Variants in TAS2R1 observed in about 807,000 individuals in gnomAD.
The protein encoded by TAS2R1 is taste receptor type 2 member 1.
For synonymous variants in TAS2R1, 141 were observed against 134.2 expected (o/e 1.05, Z -0.35); for missense variants, 370 against 353.4 (o/e 1.05, Z -0.38).
chr5:9,676,541 G>T (rs1740879490), intron 1 of TAS2R1, among the ~76,000 whole-genome samples: 1 of 152,160 alleles, frequency 6.6e-6, no homozygotes, highest in East Asian at 1.9e-4. Context: ...TGGAAAAATT[G>T]GGTATACATA....
upstream of TAS2R1, among the ~76,000 whole-genome samples, chr5:9,712,548 C>T (rs547489279): frequency 6.6e-6 from 1 of 152,320 alleles, no homozygotes; most frequent in Admixed American, 6.5e-5. Flanking sequence ...AGCCTCAAAA[C>T]TGCAATACAG....
At chr5:9,754,312 G>T in the TAS2R1 span, among the ~76,000 whole-genome samples, 2 of 147,904 alleles carry the variant, frequency 1.4e-5, no homozygotes, top group Admixed American at 6.7e-5. Flanking sequence ...TACTGAATGG[G>T]CAAAAACTGG....
At chr5:9,761,127 G>C in the TAS2R1 span, 25 of 152,238 alleles carry the variant, frequency 1.6e-4, no homozygotes, top group African/African-American at 2.9e-4. Flanking sequence ...AAAGATTATT[G>C]CTTTTATCTT....
At chr5:9,670,011 G>A (rs1448539503) in intron 1 of TAS2R1, among the ~76,000 whole-genome samples, 1 of 151,948 alleles carries the variant, frequency 6.6e-6, no homozygotes, top group Non-Finnish European at 1.5e-5. Context: ...CCACTAGCTA[G>A]AATAATTTTA....
intron 1 of TAS2R1, among the ~76,000 whole-genome samples, chr5:9,679,801 T>C (rs1008593576): frequency 5.9e-5 from 9 of 152,226 alleles, no homozygotes; most frequent in African/African-American, 1.9e-4. Flanking sequence ...TATTTATAGA[T>C]ACATGTATAT....
intron 2 of TAS2R1, among the ~76,000 whole-genome samples, chr5:9,656,227 G>T (rs952931276): frequency 1.3e-5 from 2 of 152,290 alleles, no homozygotes; most frequent in Admixed American, 1.3e-4. Context: ...ATTGGGAAAA[G>T]CTAAAGAAAA....
the TAS2R1 span, among the ~76,000 whole-genome samples, chr5:9,851,027 G>C: frequency 3.3e-5 from 5 of 152,166 alleles, no homozygotes; most frequent in African/African-American, 1.2e-4. Context: ...TTCAGGTGGA[G>C]TTCAGATTTA....
At chr5:9,725,917 T>G in the TAS2R1 span, among the ~76,000 whole-genome samples, 1 of 151,232 alleles carries the variant, frequency 6.6e-6, no homozygotes, top group Non-Finnish European at 1.5e-5. Flanking sequence ...CTAGCTATTC[T>G]GGTGGGGCCT....
intron 1 of TAS2R1, among the ~76,000 whole-genome samples, chr5:9,683,313 A>T (rs1466499943): frequency 2.0e-5 from 3 of 152,216 alleles, no homozygotes; most frequent in Non-Finnish European, 4.4e-5. Flanking sequence ...AATGTGATTT[A>T]AGGTCCATGT....
At chr5:9,836,604 G>A in the TAS2R1 span, among the ~76,000 whole-genome samples, 6 of 152,146 alleles carry the variant, frequency 3.9e-5, no homozygotes, top group African/African-American at 1.4e-4. Context: ...ATGCTAAGAG[G>A]AATAACTACA....
chr5:9,791,920 C>T, the TAS2R1 span, among the ~76,000 whole-genome samples: 1 of 152,210 alleles, frequency 6.6e-6, no homozygotes, highest in African/African-American at 2.4e-5. Flanking sequence ...GCCGAATCTT[C>T]TTCACCGTCA....
the TAS2R1 span, among the ~76,000 whole-genome samples, chr5:9,842,345 C>T: frequency 8.0e-6 from 1 of 124,712 alleles, no homozygotes; most frequent in East Asian, 2.3e-4. Flanking sequence ...TTTTGAGAGA[C>T]AGTCTCACTC....
upstream of TAS2R1, among the ~76,000 whole-genome samples, chr5:9,630,577 A>G (rs915091775): frequency 6.6e-6 from 1 of 152,234 alleles, no homozygotes; most frequent in Non-Finnish European, 1.5e-5. Flanking sequence ...AACTATCTGT[A>G]AAATAGTTAT....
chr5:9,687,250 G>T (rs1044078042), intron 1 of TAS2R1, among the ~76,000 whole-genome samples: 1 of 152,304 alleles, frequency 6.6e-6, no homozygotes, highest in Non-Finnish European at 1.5e-5. Flanking sequence ...GATTACAGGC[G>T]TGAGCTACCG....
intron 1 of TAS2R1, among the ~76,000 whole-genome samples, chr5:9,699,103 A>G (rs1434131738): frequency 6.6e-6 from 1 of 152,236 alleles, no homozygotes; most frequent in Non-Finnish European, 1.5e-5. Flanking sequence ...AGATGGTACA[A>G]TACAGAAGAA....
chr5:9,795,180 T>C, the TAS2R1 span, among the ~76,000 whole-genome samples: 1 of 152,154 alleles, frequency 6.6e-6, no homozygotes, highest in African/African-American at 2.4e-5. Context: ...GCCATCGGCT[T>C]CTCTAATCAG....
the TAS2R1 span, among the ~76,000 whole-genome samples, chr5:9,796,822 A>T: frequency 6.6e-6 from 1 of 152,034 alleles, no homozygotes; most frequent in Non-Finnish European, 1.5e-5. Flanking sequence ...TGACTCAAGC[A>T]GCACTCAACT....
At chr5:9,669,523 T>C (rs911401780) in intron 1 of TAS2R1, among the ~76,000 whole-genome samples, 7 of 152,078 alleles carry the variant, frequency 4.6e-5, no homozygotes, top group African/African-American at 1.7e-4. Flanking sequence ...TAAACTGTCC[T>C]CAGCAAATTT....
chr5:9,822,370 G>A, the TAS2R1 span, among the ~76,000 whole-genome samples: 3 of 115,724 alleles, frequency 2.6e-5, no homozygotes, highest in Non-Finnish European at 5.1e-5. Context: ...TTTTTTTTGA[G>A]ACGGAGGCTC....
Sources: allele counts gnomAD v4.1 joint callset (sites outside exome capture counted in the v4.1 genomes callset), GRCh38; gene constraint gnomAD v4.1.1; transcripts MANE v1.5; gene names NCBI Gene and HGNC (gene_info 2026-07-23, HGNC 2026-07-21).